Variants in DMD observed in about 807,000 individuals in gnomAD.
DMD encodes the protein dystrophin.
DMD carries 63 observed loss-of-function variants against 330.1 expected under a neutral mutation model. The observed-to-expected ratio is 0.19, with a 90% CI of 0.16 to 0.24. DMD has a LOEUF of 0.24. Among genes scored for constraint, DMD ranks in the 10% least tolerant of loss-of-function variants. The pLI is 1.00. For missense variants in DMD, 3,344 were observed against 2,684.1 expected, an observed-to-expected ratio of 1.25 and a Z score of -5.43; for synonymous variants, 1,223 against 959.8, an observed-to-expected ratio of 1.27 and a Z score of -5.07.
At chrX:31,954,211 T>C (rs2095219435) in intron 45 of DMD, among the ~76,000 whole-genome samples, 1 of 111,867 alleles carries the variant, frequency 8.9e-6, no homozygotes, top group Admixed American at 9.5e-5. Flanking sequence ...CATCAAAAAA[T>C]AATTATAATC....
chrX:31,610,439 T>C (rs2077847422), intron 55 of DMD, among the ~76,000 whole-genome samples: 1 of 111,745 alleles, frequency 8.9e-6, no homozygotes, highest in Non-Finnish European at 1.9e-5. Flanking sequence ...GGGTGGGTAA[T>C]AACTCTCTGA....
intron 17 of DMD, among the ~76,000 whole-genome samples, chrX:32,527,494 AG>A (rs1229003030): frequency 9.1e-6 from 1 of 110,363 alleles, no homozygotes. Flanking sequence ...TCATCTGTGA[AG>A]GTTTTCTTGA....
At chrX:32,319,851 T>C (rs2097602335) in intron 41 of DMD, among the ~76,000 whole-genome samples, 1 of 111,013 alleles carries the variant, frequency 9.0e-6, no homozygotes, top group South Asian at 3.7e-4. Flanking sequence ...AAAATCATTT[T>C]AACCTTTGAT....
At chrX:33,249,947 T>G (rs1177412509) in intron 1 of DMD, among the ~76,000 whole-genome samples, 1 of 109,328 alleles carries the variant, frequency 9.1e-6, no homozygotes, top group Non-Finnish European at 1.9e-5. Context: ...GGATTTAATA[T>G]TGGGTTTTTT....
At chrX:33,261,242 T>C (rs781339385) in intron 1 of DMD, among the ~76,000 whole-genome samples, 1 of 111,246 alleles carries the variant, frequency 9.0e-6, no homozygotes, top group African/African-American at 3.3e-5. Flanking sequence ...TTTAAACCTC[T>C]TCAGTTAAGA....
chrX:32,575,889 C>G (rs2052989866), intron 13 of DMD, among the ~76,000 whole-genome samples: 1 of 111,829 alleles, frequency 8.9e-6, no homozygotes, highest in African/African-American at 3.3e-5. Context: ...AAAAGACTTT[C>G]AAGTATATAT....
chrX:32,419,737 G>C (rs1312241548), intron 29 of DMD, among the ~76,000 whole-genome samples: 1 of 111,565 alleles, frequency 9.0e-6, no homozygotes, highest in African/African-American at 3.3e-5. Flanking sequence ...ATGGTTAATA[G>C]GAACTTCACC....
At chrX:32,153,377 T>C (rs1054896293) in intron 44 of DMD, among the ~76,000 whole-genome samples, 4 of 111,065 alleles carry the variant, frequency 3.6e-5, no homozygotes, top group African/African-American at 1.3e-4. Context: ...GCAGATAATA[T>C]ACAGGGGTAC....
intron 44 of DMD, among the ~76,000 whole-genome samples, 161 bp from the exon 45 acceptor site, chrX:31,968,675 A>C (rs1378068576): frequency 1.8e-5 from 2 of 111,938 alleles, no homozygotes; most frequent in Non-Finnish European, 3.8e-5. Context: ...CCCATATCCA[A>C]AGGATACAAG....
At chrX:32,199,780 T>TTGTG (rs35897988) in intron 44 of DMD, among the ~76,000 whole-genome samples, 8,126 of 83,874 alleles carry the variant, frequency 0.097, 448 homozygotes, top group Admixed American at 0.11. Flanking sequence ...CGCAAGGCTT[T>TTGTG]TGTGTGTGTG....
At chrX:31,547,872 G>C (rs995982480) in intron 55 of DMD, among the ~76,000 whole-genome samples, 3 of 111,866 alleles carry the variant, frequency 2.7e-5, no homozygotes, top group Non-Finnish European at 5.6e-5. Context: ...AGTGGGTTAG[G>C]GAACCTTGGA....
chrX:33,257,338 GA>G (rs1241441015), intron 1 of DMD, among the ~76,000 whole-genome samples: 3 of 110,739 alleles, frequency 2.7e-5, no homozygotes, highest in African/African-American at 9.8e-5. Context: ...TTTTCATTTA[GA>G]AAGGTCACAT....
rs756718863 is a variant in DMD at position 32,197,826 on chromosome X, A to AT, written c.6438+19089dup. Reference sequence around the variant, plus strand: ...TAACATATGCATTACCTCACATACTATTTTTTTGCGGTGAGAACACTTAAA... The same window carrying AT: ...TAACATATGCATTACCTCACATACTATTTTTTTTGCGGTGAGAACACTTAAA... On this transcript the variant is annotated intron_variant, in intron 44 of 78. Transcript: ENST00000357033. Among the ~76,000 whole-genome samples the AT allele has an allele frequency of 7.2e-5, 8 of 111,125 alleles. No homozygotes were observed. The South Asian group carries it at 1.5e-3, about 21-fold the overall frequency.
chrX:31,366,830 T>A (rs934182090), intron 60 of DMD, among the ~76,000 whole-genome samples: 4 of 110,394 alleles, frequency 3.6e-5, no homozygotes, highest in Non-Finnish European at 7.6e-5. Context: ...GTCTGATTTT[T>A]TTCTTCTATT....
intron 4 of DMD, among the ~76,000 whole-genome samples, chrX:32,843,867 G>A (rs112859702): frequency 0.029 from 3,274 of 111,488 alleles, 117 homozygotes; most frequent in African/African-American, 0.1. Context: ...GTTTAGCTGT[G>A]ACTGTTTACT....
intron 53 of DMD, among the ~76,000 whole-genome samples, chrX:31,668,924 T>A (rs1359637069): frequency 2.7e-5 from 3 of 112,070 alleles, no homozygotes; most frequent in South Asian, 3.7e-4. Context: ...ATCCACGCTG[T>A]CATAAACAAA....
At chrX:33,163,130 C>G (rs761730005) in intron 1 of DMD, among the ~76,000 whole-genome samples, 53 of 111,714 alleles carry the variant, frequency 4.7e-4, no homozygotes, top group African/African-American at 1.6e-3. Context: ...CATAACATTT[C>G]TATTTTCTCA....
chrX:31,867,877 T>C (rs889924437), intron 48 of DMD, among the ~76,000 whole-genome samples: 3 of 111,175 alleles, frequency 2.7e-5, no homozygotes, highest in Admixed American at 9.6e-5. Flanking sequence ...AAAAAAAATT[T>C]CTTGTCGAAT....
At chrX:31,854,132 T>C (rs989429181) in intron 48 of DMD, among the ~76,000 whole-genome samples, 2 of 112,398 alleles carry the variant, frequency 1.8e-5, no homozygotes, top group East Asian at 2.8e-4. Context: ...AATGTGGTCA[T>C]AGTATTGTTC....
Sources: gnomAD v4.1 joint callset for allele counts (sites outside exome capture counted in the v4.1 genomes callset) on GRCh38, gnomAD v4.1.1 for gene constraint, MANE v1.5 for transcripts, NCBI Gene and HGNC (gene_info 2026-07-23, HGNC 2026-07-21) for gene names.